The following PTP4A2 variants were observed in gnomAD, a reference collection of about 807,000 sequenced individuals.
The protein encoded by PTP4A2 is protein tyrosine phosphatase type IVA 2.
PTP4A2 carries 2 observed loss-of-function variants against 22.9 expected under a neutral mutation model. The ratio of observed to expected loss-of-function variants is 0.09; its 90% CI spans 0.04 to 0.27. The LOEUF (loss-of-function observed/expected upper bound fraction) is 0.27. Ranked by LOEUF, PTP4A2 falls within the 10% of genes least tolerant of loss-of-function variation. The pLI is 1.00. For synonymous variants in PTP4A2, 68 were observed against 69.1 expected, an observed-to-expected ratio of 0.98 and a Z score of 0.08; for missense variants, 103 against 205.1, an observed-to-expected ratio of 0.50 and a Z score of 3.04.
intron 1 of PTP4A2, among the ~76,000 whole-genome samples, chr1:31,921,138 C>T (rs1159470958): frequency 6.6e-6 from 1 of 152,104 alleles, no homozygotes; most frequent in East Asian, 1.9e-4. Context: ...CAACTTGTTA[C>T]GTAAATAAAG....
rs1651369313 is a variant in PTP4A2 at position 31,908,664 on chromosome 1, C to T, written c.*188G>A. ...CCTTTTCTCTTTCTCTTTTCTTAAA[C>T]ATTTTATTCATTTTATAGAGAGATT... is the stretch of plus-strand genomic sequence containing the variant. On this transcript the variant is annotated 3_prime_UTR_variant, in exon 6 of 6. Coordinates refer to ENST00000647444, the MANE Select transcript of PTP4A2 (RefSeq NM_080391.4). 2.5e-6 allele frequency: 1 copy of T among 399,016 alleles called. No individual in the cohort carries two copies. The highest frequency in any genetic ancestry group is 4.4e-5 in the Admixed American group (1 of 22,720). The allele number at this position is 399,016 out of a possible 1,614,324, so 24.7% of individuals were successfully genotyped here.
At chr1:31,920,941 G>C (rs1395961394) in intron 1 of PTP4A2, among the ~76,000 whole-genome samples, 1 of 152,044 alleles carries the variant, frequency 6.6e-6, no homozygotes, top group Non-Finnish European at 1.5e-5. Context: ...ACCTATAAAT[G>C]GGTAGAGGAT....
At position 31,919,651 on chromosome 1, in the gene PTP4A2, C is replaced by T. The variant is rs974073697; in HGVS notation, c.-586G>A. 1 of 152,394 alleles carries T rather than the reference C, an allele frequency of 6.6e-6. No homozygotes were observed. Among genetic ancestry groups the T allele is most frequent in the Admixed American group, 6.6e-5 (1 of 15,252 alleles). 9.4% of individuals were successfully genotyped at this position (152,394 alleles called of 1,614,324 possible). The stretch of plus-strand genomic sequence containing the variant: ...CATAAATGTGCAACGTATATTCCAA[C>T]GAAAAACCTGGAGAAGAAAAGAATA... On this transcript the variant is annotated 5_prime_UTR_variant, in exon 2 of 6. Transcript: ENST00000647444.
At chr1:31,920,536 CTTTTT>C (rs35696767) in intron 1 of PTP4A2, among the ~76,000 whole-genome samples, 1 of 130,224 alleles carries the variant, frequency 7.7e-6, no homozygotes. Context: ...CTTCCATGAA[CTTTTT>C]TTTTTTTTTT....
intron 2 of PTP4A2, among the ~76,000 whole-genome samples, chr1:31,917,513 TA>T (rs1322091980): frequency 2.6e-5 from 4 of 152,332 alleles, no homozygotes; most frequent in African/African-American, 9.6e-5. Flanking sequence ...AAAGTTGCGA[TA>T]AAATTTTTTA....
At chr1:31,922,622 CTTTCTTTCTTTCTTTT>C (rs973995169) in intron 1 of PTP4A2, among the ~76,000 whole-genome samples, 9 of 111,020 alleles carry the variant, frequency 8.1e-5, no homozygotes, top group African/African-American at 4.4e-4. Flanking sequence ...TTCTTTCTTT[CTTTCTTTCTTTCTTTT>C]ATTTATTTTG....
At chr1:31,929,594 C>T (rs976579121) in intron 1 of PTP4A2, among the ~76,000 whole-genome samples, 12 of 152,204 alleles carry the variant, frequency 7.9e-5, no homozygotes, top group Non-Finnish European at 1.8e-4. Context: ...AATTCAGTTG[C>T]TTCCCCAGAA....
In PTP4A2 at chr1:31,919,276, T is replaced by C. The variant is rs1652019788; in HGVS notation, c.-211A>G. 2 of 317,130 alleles carry C rather than the reference T, an allele frequency of 6.3e-6. No individual in the cohort carries two copies. Among genetic ancestry groups the C allele is most frequent in the East Asian group, 1.3e-4 (2 of 15,466 alleles). The allele number at this position is 317,130 out of a possible 1,614,324, so 19.6% of individuals were successfully genotyped here. On this transcript the variant is annotated 5_prime_UTR_variant, in exon 2 of 6. Coordinates refer to ENST00000647444, the MANE Select transcript of PTP4A2 (RefSeq NM_080391.4). ...GCAAAGTATTTAGAATCCACTTGAA[T>C]CCAAATTCAATTTGGGCCTCAATTT...
intron 1 of PTP4A2, chr1:31,930,797 T>A (rs1652694526): frequency 6.6e-6 from 1 of 152,224 alleles, no homozygotes; most frequent in African/African-American, 2.4e-5. Flanking sequence ...AATGGCATCC[T>A]TTCACAAAAC....
At position 31,910,257 on chromosome 1, in the gene PTP4A2, A is replaced by C. The variant is rs564190643; in HGVS notation, c.321-145T>G. The C allele has an allele frequency of 6.9e-5, 40 of 582,486 alleles. No individual in the cohort carries two copies. In the East Asian group the frequency reaches 1.1e-3, roughly 16 times the overall value. The allele number at this position is 582,486 out of a possible 1,614,324, so 36.1% of individuals were successfully genotyped here. A position where few individuals can be genotyped will look rare whatever the true frequency, so the allele number is the denominator to read the frequency against. On this transcript the variant is annotated intron_variant, in intron 4 of 5. Coordinates refer to ENST00000647444, the MANE Select transcript of PTP4A2 (RefSeq NM_080391.4). ...TAGCTGGTATCTGCCTAATACAGTA[A>C]ATATATCTCATCATCATTAATTCTA...
intron 1 of PTP4A2, among the ~76,000 whole-genome samples, chr1:31,936,428 G>A (rs1652935746): frequency 6.6e-6 from 1 of 151,916 alleles, no homozygotes; most frequent in South Asian, 2.1e-4. Flanking sequence ...AAAACAAAAG[G>A]ACCATACTAC....
chr1:31,916,622 T>C (rs1245659016), intron 2 of PTP4A2, among the ~76,000 whole-genome samples: 1 of 152,158 alleles, frequency 6.6e-6, no homozygotes, highest in Non-Finnish European at 1.5e-5. Flanking sequence ...TACAAATATT[T>C]AGGTAACAGC....
chr1:31,924,087 A>C (rs1286130252), intron 1 of PTP4A2: 1 of 152,218 alleles, frequency 6.6e-6, no homozygotes, highest in African/African-American at 2.4e-5. Context: ...AGGCACTGAA[A>C]GACCTGCATT....
intron 1 of PTP4A2, chr1:31,921,703 C>G (rs560501274): frequency 6.6e-6 from 1 of 152,120 alleles, no homozygotes; most frequent in African/African-American, 2.4e-5. Flanking sequence ...TAAAAAATAG[C>G]TGTAACCAGA....
At chr1:31,924,195 C>G (rs982188487) in intron 1 of PTP4A2, 3 of 152,296 alleles carry the variant, frequency 2.0e-5, no homozygotes, top group Admixed American at 2.0e-4. Flanking sequence ...AGCTTTATCC[C>G]ATCTTACTCT....
intron 1 of PTP4A2, chr1:31,933,881 A>G (rs1652831122): frequency 6.6e-6 from 1 of 152,234 alleles, no homozygotes; most frequent in Non-Finnish European, 1.5e-5. Flanking sequence ...TAAACCCTGA[A>G]AGGGTAATAT....
intron 1 of PTP4A2, among the ~76,000 whole-genome samples, chr1:31,933,391 C>T (rs1285747459): frequency 6.6e-6 from 1 of 151,756 alleles, no homozygotes; most frequent in Non-Finnish European, 1.5e-5. Context: ...CTTTAAGCCC[C>T]TAAAAGGAAA....
At position 31,910,029 on chromosome 1, in the gene PTP4A2, C is replaced by T. The variant is rs1651453136; in HGVS notation, c.395+9G>A. The T allele has an allele frequency of 3.1e-6, 5 of 1,602,248 alleles. No individual in the cohort carries two copies. Among genetic ancestry groups the T allele is most frequent in the Non-Finnish European group, 4.3e-6 (5 of 1,170,352 alleles). Reference sequence around the variant, plus strand: ...TCTGTGTTTCTGAACACAAAAACTTCATACTCACTGTCTTATAAACTGAAC... The same window carrying T: ...TCTGTGTTTCTGAACACAAAAACTTTATACTCACTGTCTTATAAACTGAAC... On this transcript the variant is annotated intron_variant, in intron 5 of 5. Transcript: ENST00000647444.
Position 31,912,944 on chromosome 1 carries a change from TAG to T in PTP4A2, c.190-1120_190-1119del, listed in dbSNP as rs144710236. Reference sequence around the variant, plus strand: ...AGGACTGTGTTATTATAAATGTCACTAGAGAGTTTAACTGTAAATAGCAATAA... The same window carrying T: ...AGGACTGTGTTATTATAAATGTCACTAGAGTTTAACTGTAAATAGCAATAA... On this transcript the variant is annotated intron_variant, in intron 3 of 5. Coordinates refer to ENST00000647444, the MANE Select transcript of PTP4A2 (RefSeq NM_080391.4). 2,709 of 435,982 alleles carry T rather than the reference TAG, an allele frequency of 6.2e-3. 14 individuals are homozygous for T. The highest frequency in any genetic ancestry group is 0.036 in the Middle Eastern group (105 of 2,938). 27.0% of individuals were successfully genotyped at this position (435,982 alleles called of 1,614,324 possible).
Sources: gnomAD v4.1 joint callset for allele counts (sites outside exome capture counted in the v4.1 genomes callset) on GRCh38, gnomAD v4.1.1 for gene constraint, MANE v1.5 for transcripts, NCBI Gene and HGNC (gene_info 2026-07-23, HGNC 2026-07-21) for gene names.